The following GABRG3 variants were observed in gnomAD, a reference collection of about 807,000 sequenced individuals.
GABRG3 encodes gamma-aminobutyric acid receptor subunit gamma-3.
GABRG3 carries 25 observed loss-of-function variants against 48.8 expected under a neutral mutation model. The observed-to-expected ratio is 0.51, with a 90% confidence interval of 0.37 to 0.72. The LOEUF is 0.72. Ranked by LOEUF, GABRG3 falls within the 30% of genes least tolerant of loss-of-function variation. GABRG3 has a pLI of 0.00. For synonymous variants in GABRG3, 227 were observed against 217.6 expected (o/e 1.04, Z -0.38); for missense variants, 394 against 577.9 (o/e 0.68, Z 3.26).
intron 3 of GABRG3, among the ~76,000 whole-genome samples, chr15:27,096,897 G>A (rs1595522492): frequency 6.8e-6 from 1 of 146,350 alleles, no homozygotes; most frequent in South Asian, 2.2e-4. Context: ...CTGGAGTGCA[G>A]TGGCCCAATC....
intron 3 of GABRG3, among the ~76,000 whole-genome samples, chr15:27,035,243 T>C (rs938470213): frequency 2.0e-5 from 3 of 152,242 alleles, no homozygotes; most frequent in Non-Finnish European, 4.4e-5. Context: ...CTTGTCACCA[T>C]TTTATACAAA....
chr15:27,462,473 G>A (rs1404543258), intron 5 of GABRG3, among the ~76,000 whole-genome samples: 3 of 151,998 alleles, frequency 2.0e-5, no homozygotes, highest in Non-Finnish European at 4.4e-5. Flanking sequence ...AAATATGAAA[G>A]AACACAGAAA....
chr15:26,994,424 T>G (rs117490193), intron 2 of GABRG3, among the ~76,000 whole-genome samples: 9,576 of 151,982 alleles, frequency 0.063, 484 homozygotes, highest in South Asian at 0.3. Context: ...TATTTGAAAC[T>G]GATGATAACT....
chr15:27,466,187 G>A (rs927572436), intron 5 of GABRG3, among the ~76,000 whole-genome samples: 3 of 152,178 alleles, frequency 2.0e-5, no homozygotes, highest in East Asian at 1.9e-4. Context: ...AACAGTGGGC[G>A]AAGGGCTTGT....
chr15:27,173,282 G>A (rs1887632187), intron 3 of GABRG3, among the ~76,000 whole-genome samples: 1 of 152,118 alleles, frequency 6.6e-6, no homozygotes, highest in Non-Finnish European at 1.5e-5. Context: ...GCAGAGAAAT[G>A]TATGCAATTA....
chr15:27,473,556 A>C (rs1889848930), intron 5 of GABRG3, among the ~76,000 whole-genome samples: 1 of 152,242 alleles, frequency 6.6e-6, no homozygotes, highest in Non-Finnish European at 1.5e-5. Flanking sequence ...GAAGTATTAA[A>C]TTTAATAAGC....
rs77191201 is a variant in GABRG3 at position 27,447,166 on chromosome 15, G to A, written c.575-33484G>A. ...GAGGACGGAACAACTAATTCTATGT[G>A]GAGGAGTAAGGCAAGGCTTGGGAAG... On this transcript the variant is annotated intron_variant, in intron 5 of 9. Coordinates refer to ENST00000615808, the MANE Select transcript of GABRG3 (RefSeq NM_033223.5). This position sits in a 1 kb window ranked among gnomAD's most constrained non-coding sequence, Gnocchi z 4.0. Among the ~76,000 whole-genome samples, 500 of 152,248 alleles carry A rather than the reference G, an allele frequency of 3.3e-3. 4 individuals are homozygous for A. The highest frequency in any genetic ancestry group is 3.5e-3 in the Non-Finnish European group (238 of 68,018).
intron 5 of GABRG3, among the ~76,000 whole-genome samples, chr15:27,391,323 G>A (rs576035554): frequency 1.8e-4 from 28 of 152,204 alleles, no homozygotes; most frequent in Non-Finnish European, 3.1e-4. Context: ...AGACATCAGA[G>A]CAACTCCCTT....
chr15:27,087,326 G>A (rs933066287), intron 3 of GABRG3, among the ~76,000 whole-genome samples: 1 of 152,184 alleles, frequency 6.6e-6, no homozygotes. Context: ...GCTTCACCTC[G>A]GGGTCCACAG....
chr15:27,437,579 C>T (rs1164098035), intron 5 of GABRG3, among the ~76,000 whole-genome samples: 1 of 152,158 alleles, frequency 6.6e-6, no homozygotes, highest in Non-Finnish European at 1.5e-5. Flanking sequence ...TCCTGGCCCA[C>T]AACAAAAACT....
intron 3 of GABRG3, among the ~76,000 whole-genome samples, chr15:27,232,104 G>T (rs984385): frequency 0.27 from 40,738 of 151,976 alleles, 8,340 homozygotes; most frequent in African/African-American, 0.56. Context: ...GAAAATGATC[G>T]ACAAGAAGCA....
rs141110096 is a variant in GABRG3, at chr15:27,101,941, C to T, written c.270+75120C>T. Among the ~76,000 whole-genome samples the T allele has an allele frequency of 4.4e-3, 674 of 152,038 alleles. 5 individuals are homozygous for T. Among genetic ancestry groups the T allele is most frequent in the African/African-American group, 0.015 (631 of 41,450 alleles). ...GGGCTGCATTCAAAGCCATCCTGGGCTGCACGTGGCCTATGGGCCACCAGT... is the reference window on the plus strand; with the variant it reads ...GGGCTGCATTCAAAGCCATCCTGGGTTGCACGTGGCCTATGGGCCACCAGT... On this transcript the variant is annotated intron_variant, in intron 3 of 9. Coordinates refer to ENST00000615808, the MANE Select transcript of GABRG3 (RefSeq NM_033223.5).
chr15:27,506,497 A>G (rs1890763896), intron 6 of GABRG3, among the ~76,000 whole-genome samples: 1 of 152,126 alleles, frequency 6.6e-6, no homozygotes, highest in Non-Finnish European at 1.5e-5. Flanking sequence ...GAAACAAGGG[A>G]CTCAATCTTG....
At chr15:27,126,786 C>T (rs771491293) in intron 3 of GABRG3, among the ~76,000 whole-genome samples, 2 of 152,138 alleles carry the variant, frequency 1.3e-5, no homozygotes, top group African/African-American at 4.8e-5. Context: ...ATGATGGATT[C>T]GAGACAGGTG....
At chr15:27,122,935 G>C (rs906889932) in intron 3 of GABRG3, among the ~76,000 whole-genome samples, 2 of 152,200 alleles carry the variant, frequency 1.3e-5, no homozygotes, top group African/African-American at 4.8e-5. Flanking sequence ...GTTTCAGGAA[G>C]GTTAGGGTGG....
Position 27,538,716 on chromosome 15 carries a change from C to G in GABRG3, c.*5835C>G, listed in dbSNP as rs200389839. 6.6e-6 allele frequency: 1 copy of G among 152,188 alleles called. No homozygotes were observed. The highest frequency in any genetic ancestry group is 1.9e-4 in the East Asian group (1 of 5,192). The allele number at this position is 152,188 out of a possible 1,614,324, so 9.4% of individuals were successfully genotyped here. On this transcript the variant is annotated 3_prime_UTR_variant, in exon 10 of 10. Transcript: ENST00000615808. ...ACTGAGCAGGTAGCTGCTACATTTT[C>G]TCTTCTCTTTTCTAGTTATTCAGGG... is the stretch of plus-strand genomic sequence containing the variant.
chr15:27,386,530 T>A (rs1895926238), intron 5 of GABRG3, among the ~76,000 whole-genome samples: 1 of 152,182 alleles, frequency 6.6e-6, no homozygotes, highest in Non-Finnish European at 1.5e-5. Flanking sequence ...CCCTGGGATT[T>A]TTCCATGGAA....
intron 5 of GABRG3, among the ~76,000 whole-genome samples, chr15:27,373,774 A>T (rs1331448485): frequency 6.6e-6 from 1 of 152,188 alleles, no homozygotes; most frequent in East Asian, 1.9e-4. Context: ...TTATGATTAA[A>T]ACATGGATAA....
rs576410012 is a variant in GABRG3, at chr15:27,079,485, G to C, written c.270+52664G>C. Reference sequence around the variant, plus strand: ...AAATAGAGTGAATTTAGAAGATGCCGTGTGGAGTGTGTGTGTTGGGAGTGG... The same window carrying C: ...AAATAGAGTGAATTTAGAAGATGCCCTGTGGAGTGTGTGTGTTGGGAGTGG... On this transcript the variant is annotated intron_variant, in intron 3 of 9. Coordinates refer to ENST00000615808, the MANE Select transcript of GABRG3 (RefSeq NM_033223.5). Among the ~76,000 whole-genome samples, 6 of 152,266 alleles carry C rather than the reference G, an allele frequency of 3.9e-5. No individual in the cohort carries two copies. In the South Asian group the frequency reaches 6.2e-4, roughly 16 times the overall value.
Sources: allele counts gnomAD v4.1 joint callset (sites outside exome capture counted in the v4.1 genomes callset), GRCh38; gene constraint gnomAD v4.1.1; non-coding constraint Gnocchi (gnomAD v3.1); transcripts MANE v1.5; gene names NCBI Gene and HGNC (gene_info 2026-07-23, HGNC 2026-07-21).